The following NLGN1 variants were observed in gnomAD, a reference collection of about 807,000 sequenced individuals.
The protein encoded by NLGN1 is neuroligin-1.
Under a neutral mutation model 65.5 loss-of-function variants are expected in NLGN1, and 12 were observed. That is an observed-to-expected ratio of 0.18 (90% confidence interval 0.12 to 0.30). NLGN1 has a LOEUF of 0.30. Ranked by LOEUF, NLGN1 falls within the 10% of genes least tolerant of loss-of-function variation. The pLI is 1.00. For synonymous variants in NLGN1, 350 were observed against 359.5 expected (o/e 0.97, Z 0.30); for missense variants, 750 against 1,007.1 (o/e 0.74, Z 3.46).
At chr3:173,786,182 T>G (rs1781924829) in intron 3 of NLGN1, among the ~76,000 whole-genome samples, 4 of 152,186 alleles carry the variant, frequency 2.6e-5, no homozygotes, top group Admixed American at 2.6e-4. Context: ...GAACAGAATT[T>G]TATTGATTTT....
intron 2 of NLGN1, among the ~76,000 whole-genome samples, chr3:173,485,524 G>A (rs1728040846): frequency 6.6e-6 from 1 of 152,058 alleles, no homozygotes; most frequent in South Asian, 2.1e-4. Context: ...TTACATTAAT[G>A]TAAGAAAAAT....
intron 3 of NLGN1, among the ~76,000 whole-genome samples, chr3:173,755,800 T>G (rs1042793772): frequency 1.3e-5 from 2 of 152,146 alleles, no homozygotes; most frequent in Non-Finnish European, 2.9e-5. Context: ...AAAGGCATAG[T>G]CAACTGTGCC....
chr3:173,594,116 C>T (rs576967797), intron 2 of NLGN1, among the ~76,000 whole-genome samples: 1 of 152,266 alleles, frequency 6.6e-6, no homozygotes, highest in Non-Finnish European at 1.5e-5. Context: ...ATTTCAAAAC[C>T]AATCATGCCT....
chr3:173,452,198 C>T (rs1257679523), intron 2 of NLGN1, among the ~76,000 whole-genome samples: 1 of 146,426 alleles, frequency 6.8e-6, no homozygotes, highest in Non-Finnish European at 1.5e-5. Context: ...GCCATCTTGG[C>T]TTCCTTTTTT....
At chr3:173,870,645 A>G (rs1275004311) in intron 4 of NLGN1, among the ~76,000 whole-genome samples, 3 of 152,204 alleles carry the variant, frequency 2.0e-5, no homozygotes, top group Admixed American at 1.3e-4. Context: ...ATAATAGACT[A>G]TCATTCTCCT....
intron 2 of NLGN1, among the ~76,000 whole-genome samples, chr3:173,547,164 T>C (rs771528633): frequency 5.3e-5 from 8 of 152,182 alleles, no homozygotes; most frequent in Non-Finnish European, 2.9e-5. Context: ...TTTTTTCTCA[T>C]GACTACTTCA....
chr3:173,839,738 A>G (rs1489787468), intron 4 of NLGN1, among the ~76,000 whole-genome samples: 1 of 152,202 alleles, frequency 6.6e-6, no homozygotes, highest in Non-Finnish European at 1.5e-5. Context: ...TTTTAAAGCT[A>G]GTGTGCACTT....
intron 3 of NLGN1, among the ~76,000 whole-genome samples, chr3:173,796,680 G>A (rs1714149942): frequency 6.6e-6 from 1 of 152,048 alleles, no homozygotes; most frequent in African/African-American, 2.4e-5. Context: ...TCTACACACT[G>A]GTTTTAGTGG....
intron 3 of NLGN1, among the ~76,000 whole-genome samples, chr3:173,765,775 A>G (rs1778698366): frequency 6.6e-6 from 1 of 152,164 alleles, no homozygotes; most frequent in Admixed American, 6.5e-5. Context: ...CTTTTATTGC[A>G]GGCTTCAAAA....
intron 3 of NLGN1, among the ~76,000 whole-genome samples, chr3:173,647,017 C>T (rs1758374949): frequency 6.6e-6 from 1 of 152,064 alleles, no homozygotes; most frequent in African/African-American, 2.4e-5. Flanking sequence ...TAACATTACT[C>T]AAAAGAAAGC....
At chr3:173,980,811 T>G (rs998216535) in intron 4 of NLGN1, among the ~76,000 whole-genome samples, 5 of 152,072 alleles carry the variant, frequency 3.3e-5, no homozygotes, top group Admixed American at 1.3e-4. Flanking sequence ...TGACTAATCC[T>G]CCAAAATTTG....
At chr3:173,791,741 G>A (rs1712811368) in intron 3 of NLGN1, among the ~76,000 whole-genome samples, 1 of 152,022 alleles carries the variant, frequency 6.6e-6, no homozygotes, top group African/African-American at 2.4e-5. Context: ...TTATTGCTAT[G>A]TGACTTATTG....
intron 3 of NLGN1, among the ~76,000 whole-genome samples, chr3:173,722,542 CT>C (rs1453203673): frequency 6.6e-6 from 1 of 151,732 alleles, no homozygotes; most frequent in Non-Finnish European, 1.5e-5. Context: ...AGCTGGCCAA[CT>C]TTTTTTTCTT....
At chr3:173,766,278 G>A (rs1381682262) in intron 3 of NLGN1, among the ~76,000 whole-genome samples, 3 of 151,782 alleles carry the variant, frequency 2.0e-5, no homozygotes, top group African/African-American at 4.8e-5. Context: ...TAGTAGAGAC[G>A]GGGTTTCGCC....
chr3:173,700,719 A>C (rs1339161777), intron 3 of NLGN1, among the ~76,000 whole-genome samples: 1 of 152,188 alleles, frequency 6.6e-6, no homozygotes, highest in Non-Finnish European at 1.5e-5. Context: ...TTCTTCTATC[A>C]GTGTTATAAC....
chr3:174,174,765 T>C (rs896220605), intron 4 of NLGN1, among the ~76,000 whole-genome samples: 7 of 152,010 alleles, frequency 4.6e-5, no homozygotes, highest in Admixed American at 1.3e-4. Flanking sequence ...TCTCTTTTTT[T>C]AATATATAAG....
intron 2 of NLGN1, among the ~76,000 whole-genome samples, chr3:173,582,123 C>T (rs1746496978): frequency 6.6e-6 from 1 of 152,056 alleles, no homozygotes; most frequent in African/African-American, 2.4e-5. Context: ...CATCTTTCCG[C>T]AACATCCTTT....
intron 4 of NLGN1, among the ~76,000 whole-genome samples, chr3:174,159,819 G>A (rs987279056): frequency 6.6e-6 from 1 of 151,766 alleles, no homozygotes; most frequent in South Asian, 2.1e-4. Context: ...ACTAGCCACT[G>A]CTCTTCAGCT....
chr3:173,617,548 G>A (rs1053323932), intron 3 of NLGN1, among the ~76,000 whole-genome samples: 2 of 152,098 alleles, frequency 1.3e-5, no homozygotes, highest in African/African-American at 2.4e-5. Context: ...TTTGTTTATG[G>A]CGCAGTGCTC....
Sources: gnomAD v4.1 joint callset for allele counts (sites outside exome capture counted in the v4.1 genomes callset) on GRCh38, gnomAD v4.1.1 for gene constraint, MANE v1.5 for transcripts, NCBI Gene and HGNC (gene_info 2026-07-23, HGNC 2026-07-21) for gene names.